MRPS27: variants seen among roughly 807,000 people sequenced by gnomAD.
The protein encoded by MRPS27 is mitochondrial ribosomal protein S27, also known as small ribosomal subunit protein mS27.
A neutral mutation model predicts 48.9 loss-of-function variants in MRPS27; 43 were observed. That is an observed-to-expected ratio of 0.88 (90% CI 0.69 to 1.13). The LOEUF (loss-of-function observed/expected upper bound fraction) is 1.13. Among genes scored for constraint, MRPS27 ranks in the 50% most tolerant of loss-of-function variants. The probability of loss-of-function intolerance (pLI) is 0.00; values close to 1 mark genes in which losing one functional copy is unlikely to be tolerated. For missense variants in MRPS27, 467 were observed against 476.3 expected (o/e 0.98, Z 0.18); for synonymous variants, 188 against 171.9 (o/e 1.09, Z -0.73).
At chr5:72,298,677 C>T (rs1443119372) in intron 2 of MRPS27, among the ~76,000 whole-genome samples, 1 of 128,334 alleles carries the variant, frequency 7.8e-6, no homozygotes, top group African/African-American at 3.0e-5. Flanking sequence ...CTGCAGTCCG[C>T]AGTCCGGCCT....
At chr5:72,249,495 C>A (rs1419814095) in intron 4 of MRPS27, among the ~76,000 whole-genome samples, 1 of 151,448 alleles carries the variant, frequency 6.6e-6, no homozygotes, top group Non-Finnish European at 1.5e-5. Flanking sequence ...ACCAGCCTGG[C>A]CAAAATGGTG....
intron 4 of MRPS27, among the ~76,000 whole-genome samples, chr5:72,259,179 C>A (rs926159079): frequency 1.3e-5 from 2 of 152,112 alleles, no homozygotes; most frequent in African/African-American, 4.8e-5. Context: ...GTTTAAAAAT[C>A]CGATTCCCAG....
intron 7 of MRPS27, among the ~76,000 whole-genome samples, chr5:72,232,170 T>A (rs1354987553): frequency 6.6e-6 from 1 of 152,170 alleles, no homozygotes; most frequent in Admixed American, 6.5e-5. Context: ...CAGCTCTCAG[T>A]GACTACCAAT....
chr5:72,291,692 T>C lies in MRPS27; in HGVS notation c.281+3839A>G, dbSNP rs1749824231. Among the ~76,000 whole-genome samples the C allele has an allele frequency of 2.0e-5, 3 of 152,266 alleles. No homozygotes were observed. The South Asian group carries it at 6.2e-4, about 31-fold the overall frequency. ...TAGTGAAAATAAAAATATAATTTTA[T>C]TCTTATGCAAGTTCACAGTCCTCTC... On this transcript the variant is annotated intron_variant, in intron 4 of 10. Transcript: ENST00000261413.
chr5:72,308,095 C>G (rs551680304), intron 2 of MRPS27: 17 of 152,334 alleles, frequency 1.1e-4, no homozygotes, highest in Admixed American at 7.8e-4. Flanking sequence ...GCCCTCTGGA[C>G]GCACCGCGGG....
At chr5:72,280,324 T>C (rs1749502244) in intron 4 of MRPS27, among the ~76,000 whole-genome samples, 1 of 152,158 alleles carries the variant, frequency 6.6e-6, no homozygotes, top group Non-Finnish European at 1.5e-5. Flanking sequence ...TGTTTAATAG[T>C]TTAAAACAAA....
intron 9 of MRPS27, among the ~76,000 whole-genome samples, chr5:72,225,042 A>G (rs1747854675): frequency 6.6e-6 from 1 of 152,246 alleles, no homozygotes; most frequent in South Asian, 2.1e-4. Flanking sequence ...TACTGTTAGA[A>G]TGCAAAGAAT....
intron 4 of MRPS27, among the ~76,000 whole-genome samples, chr5:72,262,376 C>G (rs930505093): frequency 9.9e-5 from 15 of 152,050 alleles, no homozygotes; most frequent in African/African-American, 3.6e-4. Context: ...CGTTGTCTTA[C>G]AGCATCCCCT....
chr5:72,318,789 G>GAAAAA (rs11384406), intron 1 of MRPS27, among the ~76,000 whole-genome samples: 1 of 142,258 alleles, frequency 7.0e-6, no homozygotes, highest in Non-Finnish European at 1.5e-5. Flanking sequence ...AACGAAACCC[G>GAAAAA]AAAAAAAAAA....
intron 2 of MRPS27, among the ~76,000 whole-genome samples, chr5:72,299,313 TAAAAGAAAAAAAA>T (rs1399950144): frequency 1.3e-5 from 1 of 74,742 alleles, no homozygotes; most frequent in Non-Finnish European, 3.1e-5. Context: ...AAGAAAAAAA[TAAAAGAAAAAAAA>T]AAAAGACCTG....
At chr5:72,222,405 A>G (rs1747771939) in intron 10 of MRPS27, 1 of 152,208 alleles carries the variant, frequency 6.6e-6, no homozygotes, top group Admixed American at 6.5e-5. Flanking sequence ...GCGAGGAGAA[A>G]TGCACTGGTG....
chr5:72,300,540 C>G (rs1435152544), intron 2 of MRPS27, among the ~76,000 whole-genome samples: 1 of 152,128 alleles, frequency 6.6e-6, no homozygotes, highest in African/African-American at 2.4e-5. Flanking sequence ...TTTCCTCAAC[C>G]TTCCACTTTC....
chr5:72,228,613 G>A lies in MRPS27; in HGVS notation c.592-245C>T, dbSNP rs73761739. 5.7e-3 allele frequency: 2,038 copies of A among 357,836 alleles called. 44 individuals carry two copies. The highest frequency in any genetic ancestry group is 0.037 in the African/African-American group (1,754 of 47,774). 22.2% of individuals were successfully genotyped at this position (357,836 alleles called of 1,614,324 possible). A position where few individuals can be genotyped will look rare whatever the true frequency, so the allele number is the denominator to read the frequency against. On this transcript the variant is annotated intron_variant, in intron 7 of 10. Transcript: ENST00000261413. ...GGCAGTGAAATTATGAGTAATTTTG[G>A]TTTTATTCCCTGTATATCTTATTAT...
intron 4 of MRPS27, among the ~76,000 whole-genome samples, chr5:72,244,629 T>C (rs1278108435): frequency 1.3e-5 from 2 of 152,236 alleles, no homozygotes; most frequent in Non-Finnish European, 2.9e-5. Flanking sequence ...TGCTCAGGCA[T>C]GGTGATCTAT....
chr5:72,223,115 G>A (rs556492515), intron 10 of MRPS27, among the ~76,000 whole-genome samples: 1 of 152,314 alleles, frequency 6.6e-6, no homozygotes, highest in East Asian at 1.9e-4. Flanking sequence ...ATTTTGGGAT[G>A]TACAGAGTTA....
intron 3 of MRPS27, among the ~76,000 whole-genome samples, chr5:72,296,714 A>C (rs1749991834): frequency 6.6e-6 from 1 of 152,224 alleles, no homozygotes; most frequent in Non-Finnish European, 1.5e-5. Context: ...TTTCTCAACT[A>C]AAAGGCAGAA....
intron 2 of MRPS27, among the ~76,000 whole-genome samples, chr5:72,304,414 T>C (rs1750203015): frequency 6.6e-6 from 1 of 152,140 alleles, no homozygotes; most frequent in African/African-American, 2.4e-5. Context: ...ATAATGATTG[T>C]CAGATTGGTT....
chr5:72,312,496 A>G (rs1310086347), intron 2 of MRPS27, among the ~76,000 whole-genome samples: 1 of 152,114 alleles, frequency 6.6e-6, no homozygotes, highest in Admixed American at 6.5e-5. Context: ...TATATGCAAT[A>G]TTTACCTGCT....
chr5:72,262,510 A>G (rs1561344317), intron 4 of MRPS27, among the ~76,000 whole-genome samples: 1 of 152,224 alleles, frequency 6.6e-6, no homozygotes, highest in Non-Finnish European at 1.5e-5. Context: ...TGCTAGAGAT[A>G]CAAAGGTAAA....
Sources: gnomAD v4.1 joint callset for allele counts (sites outside exome capture counted in the v4.1 genomes callset) on GRCh38, gnomAD v4.1.1 for gene constraint, MANE v1.5 for transcripts, NCBI Gene and HGNC (gene_info 2026-07-23, HGNC 2026-07-21) for gene names.